Variants in TG observed in about 807,000 individuals in gnomAD.
TG encodes thyroglobulin, also known as thyroid hormones.
A neutral mutation model predicts 324.7 loss-of-function variants in TG; 270 were observed. That is an observed-to-expected ratio of 0.83 (90% CI 0.75 to 0.92). TG has a LOEUF of 0.92. Among genes scored for constraint, TG ranks in the 40% least tolerant of loss-of-function variants. TG has a pLI of 0.00. For synonymous variants in TG, 1,401 were observed against 1,327.0 expected, an observed-to-expected ratio of 1.06 and a Z score of -1.21; for missense variants, 3,591 against 3,456.4, an observed-to-expected ratio of 1.04 and a Z score of -0.98.
chr8:132,974,675 T>C (rs999117312), intron 34 of TG, among the ~76,000 whole-genome samples: 7 of 152,172 alleles, frequency 4.6e-5, no homozygotes, highest in South Asian at 4.1e-4. Flanking sequence ...CCCAACTCAA[T>C]TGATTAACAA....
At chr8:133,060,360 C>G in intron 41 of TG, 2 of 1,539,202 alleles carry the variant, frequency 1.3e-6, no homozygotes, top group Non-Finnish European at 1.7e-6. Flanking sequence ...AGATTGGTTA[C>G]TTTTGCGCAG....
Position 132,887,225 on chromosome 8 carries a change from C to T in TG, c.1853C>T (p.Pro618Leu). 6.2e-7 allele frequency: 1 copy of T among 1,609,566 alleles called. No homozygotes were observed. The highest frequency in any genetic ancestry group is 8.5e-7 in the Non-Finnish European group (1 of 1,177,082). The stretch of plus-strand genomic sequence containing the variant: ...CAGACACCTGAAAGGCTATTTGTCC[C>T]ATCATGCACGACAGAAGGAAGCTAT... ...CEQTPERLFVPSCTTEGSYED... is the reference protein window; with the variant it reads ...CEQTPERLFVLSCTTEGSYED... Residue 618 changes from proline (P) to leucine (L), a missense_variant, in exon 9 of 48, where the codon CCA becomes CTA. Transcript: ENST00000220616.
At chr8:133,058,211 A>G (rs1841810415) in intron 41 of TG, among the ~76,000 whole-genome samples, 1 of 152,074 alleles carries the variant, frequency 6.6e-6, no homozygotes, top group East Asian at 1.9e-4. Context: ...AGAGGAAACA[A>G]CGTTAGGACC....
At chr8:133,120,665 C>T (rs926917894) in intron 45 of TG, among the ~76,000 whole-genome samples, 2 of 152,208 alleles carry the variant, frequency 1.3e-5, no homozygotes, top group African/African-American at 4.8e-5. Flanking sequence ...GTCCCCATCA[C>T]CCATATTGGT....
intron 28 of TG, among the ~76,000 whole-genome samples, chr8:132,961,296 A>G (rs1263752089): frequency 1.3e-5 from 2 of 152,242 alleles, no homozygotes; most frequent in Non-Finnish European, 2.9e-5. Flanking sequence ...AGGGATGGAT[A>G]GAGGAAGCAC....
intron 35 of TG, among the ~76,000 whole-genome samples, chr8:133,005,698 C>G (rs1208602942): frequency 6.6e-6 from 1 of 152,190 alleles, no homozygotes; most frequent in African/African-American, 2.4e-5. Flanking sequence ...TTGACATACA[C>G]TCATAGCCAA....
chr8:132,919,650 T>A (rs1355823731), intron 21 of TG, 125 bp downstream of exon 21: 3 of 1,352,836 alleles, frequency 2.2e-6, no homozygotes, highest in Non-Finnish European at 1.0e-6. Context: ...GGTTGGCCTG[T>A]GCTTGGTAGG....
At position 132,990,158 on chromosome 8, in the gene TG, T is replaced by TTATATATATATA. The variant is rs10536232; in HGVS notation, c.6262+6759_6262+6770dup. ...AACCAGTTAAAGCTGAGCTATACAA[T>TTATATATATATA]TATATATATATATATATATATATAA... is the stretch of plus-strand genomic sequence containing the variant. On this transcript the variant is annotated intron_variant, in intron 35 of 47. Coordinates refer to ENST00000220616, the MANE Select transcript of TG (RefSeq NM_003235.5). Among the ~76,000 whole-genome samples the TTATATATATATA allele has an allele frequency of 1.2e-3, 172 of 141,688 alleles. 1 individual carries two copies. Among genetic ancestry groups the TTATATATATATA allele is most frequent in the African/African-American group, 4.0e-3 (153 of 38,180 alleles). 93.0% of individuals were successfully genotyped at this position (141,688 alleles called of 152,430 possible).
intron 41 of TG, among the ~76,000 whole-genome samples, chr8:133,062,871 T>C (rs1842577335): frequency 1.3e-5 from 2 of 152,076 alleles, no homozygotes; most frequent in African/African-American, 2.4e-5. Context: ...TCAGGAAGCA[T>C]GTGTGTGACA....
In TG at chr8:132,881,902, G is replaced by A. The variant is rs2132122389; in HGVS notation, c.678G>A (p.Arg226=). Residue 226 remains arginine (R), a synonymous_variant, in exon 6 of 48, where the codon AGG becomes AGA. Coordinates refer to ENST00000220616, the MANE Select transcript of TG (RefSeq NM_003235.5). ...TTGTGACCTTCAGTTCCTTCCAGAG[G>A]AGGTTCCCTGAGGTATCTGGGTATT... The part of the protein sequence containing the change: ...DAFVTFSSFQ[R]RFPEVSGYCH... 1.2e-6 allele frequency: 2 copies of A among 1,614,160 alleles called. No individual in the cohort carries two copies. The highest frequency in any genetic ancestry group is 1.1e-5 in the South Asian group (1 of 91,080).
Position 132,995,155 on chromosome 8 carries a change from A to G in TG, c.6262+11743A>G, listed in dbSNP as rs150927573. 7.2e-4 allele frequency: 699 copies of G among 966,868 alleles called. 4 individuals carry two copies. In the African/African-American group the frequency reaches 0.012, roughly 17 times the overall value. The allele number at this position is 966,868 out of a possible 1,614,324, so 59.9% of individuals were successfully genotyped here. Reference sequence around the variant, plus strand: ...CAGTCTCTGTTCTAATTCTATTCCTACTCTATGAATAACCTAGGGAAAGTC... The same window carrying G: ...CAGTCTCTGTTCTAATTCTATTCCTGCTCTATGAATAACCTAGGGAAAGTC... On this transcript the variant is annotated intron_variant, in intron 35 of 47. Coordinates refer to ENST00000220616, the MANE Select transcript of TG (RefSeq NM_003235.5).
chr8:132,961,455 G>T (rs1391735860), intron 28 of TG, among the ~76,000 whole-genome samples: 3 of 152,184 alleles, frequency 2.0e-5, no homozygotes, highest in Non-Finnish European at 2.9e-5. Flanking sequence ...ACTGGGGACA[G>T]GACCCCAGGC....
Position 133,050,674 on chromosome 8 carries a change from A to G in TG, c.7239+20651A>G, listed in dbSNP as rs1047128498. On this transcript the variant is annotated intron_variant, in intron 41 of 47. Transcript: ENST00000220616. ...TGGCCACATTAAAGAGGAAGGTTGC[A>G]GTATGGGTCAAATTTCTCACCTCAT... 2.6e-5 allele frequency: 16 copies of G among 626,946 alleles called. No individual in the cohort carries two copies. In the African/African-American group the frequency reaches 2.9e-4, roughly 11 times the overall value. 38.8% of individuals were successfully genotyped at this position (626,946 alleles called of 1,614,324 possible).
intron 41 of TG, among the ~76,000 whole-genome samples, chr8:133,080,491 G>A (rs183686757): frequency 6.6e-5 from 10 of 152,072 alleles, no homozygotes; most frequent in East Asian, 3.9e-4. Context: ...ACCTCTCCCC[G>A]CCAATGCTCC....
At chr8:133,024,560 G>GC (rs1323419253) in intron 40 of TG, among the ~76,000 whole-genome samples, 6 of 141,490 alleles carry the variant, frequency 4.2e-5, no homozygotes, top group Non-Finnish European at 9.3e-5. Flanking sequence ...CCCTCCCCTT[G>GC]CCCCCCGCCC....
chr8:133,059,881 A>C (rs901010766), intron 41 of TG, among the ~76,000 whole-genome samples: 2 of 152,260 alleles, frequency 1.3e-5, no homozygotes, highest in African/African-American at 4.8e-5. Flanking sequence ...TCAAAATGCC[A>C]AAGATTTGAC....
At chr8:132,946,643 A>G (rs1004190748) in intron 26 of TG, among the ~76,000 whole-genome samples, 1 of 151,748 alleles carries the variant, frequency 6.6e-6, no homozygotes, top group Non-Finnish European at 1.5e-5. Flanking sequence ...GCCTCCTCCA[A>G]TCTCCACCCC....
At chr8:132,933,264 G>T (rs1170137554) in intron 23 of TG, among the ~76,000 whole-genome samples, 1 of 384 alleles carries the variant, frequency 2.6e-3, no homozygotes. Flanking sequence ...TTGTGTGTGT[G>T]TTTGGGTGTT....
At chr8:132,931,402 G>A (rs1216566100) in intron 23 of TG, among the ~76,000 whole-genome samples, 1 of 152,194 alleles carries the variant, frequency 6.6e-6, no homozygotes, top group African/African-American at 2.4e-5. Flanking sequence ...TGGTTTTACG[G>A]TAGATCGAAG....
Sources: allele counts gnomAD v4.1 joint callset (sites outside exome capture counted in the v4.1 genomes callset), GRCh38; gene constraint gnomAD v4.1.1; transcripts MANE v1.5; gene names NCBI Gene and HGNC (gene_info 2026-07-23, HGNC 2026-07-21).